The following SLC7A7 variants were observed in gnomAD, a reference collection of about 807,000 sequenced individuals.
SLC7A7 encodes Y+L amino acid transporter 1.
A neutral mutation model predicts 47.9 loss-of-function variants in SLC7A7; 39 were observed. The ratio of observed to expected loss-of-function variants is 0.81; its 90% CI spans 0.63 to 1.06. The LOEUF (loss-of-function observed/expected upper bound fraction) is 1.06, where lower values mean the gene tolerates loss of function less well. Ranked by LOEUF, SLC7A7 falls within the 50% of genes least tolerant of loss-of-function variation. SLC7A7 has a pLI of 0.00. For synonymous variants in SLC7A7, 234 were observed against 242.8 expected, an observed-to-expected ratio of 0.96 and a Z score of 0.34; for missense variants, 588 against 632.0, an observed-to-expected ratio of 0.93 and a Z score of 0.75.
At position 22,808,744 on chromosome 14, in the gene SLC7A7, C is replaced by T. The variant is rs566754353; in HGVS notation, c.499+4156G>A. Among the ~76,000 whole-genome samples, 253 of 152,306 alleles carry T rather than the reference C, an allele frequency of 1.7e-3. 1 individual carries two copies. Among genetic ancestry groups the T allele is most frequent in the African/African-American group, 5.8e-3 (243 of 41,562 alleles). ...AGTCTTGGTTGCCCTTCTGAACCTT[C>T]TTTAGATCTCTATGCTCCTCTGAAG... is the stretch of plus-strand genomic sequence containing the variant. On this transcript the variant is annotated intron_variant, in intron 2 of 9. Transcript: ENST00000674313.
At position 22,773,498 on chromosome 14, in the gene SLC7A7, C is replaced by A. The variant is rs1484514027; in HGVS notation, c.*112G>T. On this transcript the variant is annotated 3_prime_UTR_variant, in exon 10 of 10. Transcript: ENST00000674313. ...AGTTCAAAGGTTGAAGCTGCCTAGGCCAGGCTTCTGGACAGGTGCCTCCAA... is the reference window on the plus strand; with the variant it reads ...AGTTCAAAGGTTGAAGCTGCCTAGGACAGGCTTCTGGACAGGTGCCTCCAA... The A allele has an allele frequency of 1.4e-5, 12 of 877,460 alleles. No homozygotes were observed. The East Asian group carries it at 3.0e-4, about 22-fold the overall frequency. The allele number at this position is 877,460 out of a possible 1,614,324, so 54.4% of individuals were successfully genotyped here.
At chr14:22,794,928 A>G (rs2038984414) in intron 2 of SLC7A7, among the ~76,000 whole-genome samples, 1 of 150,386 alleles carries the variant, frequency 6.6e-6, no homozygotes, top group African/African-American at 2.4e-5. Context: ...CTCTAGTGAC[A>G]CAAGACCCTC....
rs1031172084 is a variant in SLC7A7 at position 22,814,281 on chromosome 14, C to T, written c.-42-841G>A. On this transcript the variant is annotated intron_variant, in intron 1 of 9. Transcript: ENST00000674313. The stretch of plus-strand genomic sequence containing the variant: ...GGCAGATCACCTAAAGTCGGGAGTT[C>T]GAGACCAGCCTGACCAACATTTAGA... Among the ~76,000 whole-genome samples, 12 of 151,418 alleles carry T rather than the reference C, an allele frequency of 7.9e-5. No individual in the cohort carries two copies. In the East Asian group the frequency reaches 1.6e-3, roughly 20 times the overall value.
intron 2 of SLC7A7, among the ~76,000 whole-genome samples, chr14:22,811,060 T>C (rs1298550909): frequency 6.6e-6 from 1 of 151,908 alleles, no homozygotes; most frequent in East Asian, 1.9e-4. Flanking sequence ...TTGCCATGTA[T>C]GACAAACATC....
At chr14:22,817,755 GC>G (rs1338037145), upstream of SLC7A7, among the ~76,000 whole-genome samples, 1 of 152,164 alleles carries the variant, frequency 6.6e-6, no homozygotes, top group East Asian at 1.9e-4. Flanking sequence ...GGGATTACAG[GC>G]GTGAGCCACC....
At chr14:22,790,347 A>C (rs1273931589) in intron 2 of SLC7A7, among the ~76,000 whole-genome samples, 1 of 150,646 alleles carries the variant, frequency 6.6e-6, no homozygotes, top group East Asian at 1.9e-4. Flanking sequence ...AAAAAAAAAA[A>C]AAAAAAAACC....
intron 1 of SLC7A7, among the ~76,000 whole-genome samples, chr14:22,813,859 C>G (rs1343943698): frequency 6.9e-6 from 1 of 144,778 alleles, no homozygotes; most frequent in African/African-American, 2.6e-5. Flanking sequence ...GGCGCGATCT[C>G]AGCTCACTGC....
At chr14:22,819,566 C>T (rs1287635884), upstream of SLC7A7, 1 of 152,196 alleles carries the variant, frequency 6.6e-6, no homozygotes, top group Non-Finnish European at 1.5e-5. Context: ...CTCCATTCAG[C>T]CAATTTTTAG....
intron 2 of SLC7A7, among the ~76,000 whole-genome samples, chr14:22,802,951 C>A (rs1243855056): frequency 1.3e-5 from 2 of 152,092 alleles, no homozygotes; most frequent in Non-Finnish European, 2.9e-5. Flanking sequence ...TTCCCTGTGC[C>A]TAAAACGTCC....
chr14:22,779,472 G>T (rs1316143551), intron 3 of SLC7A7, among the ~76,000 whole-genome samples: 2 of 137,692 alleles, frequency 1.5e-5, no homozygotes, highest in East Asian at 1.9e-4. Context: ...TTTTTGGGGG[G>T]GGGACAGAGT....
intron 6 of SLC7A7, 79 bp from the exon 7 acceptor site, chr14:22,775,619 C>A: frequency 8.4e-7 from 1 of 1,192,660 alleles, no homozygotes; most frequent in Non-Finnish European, 1.3e-6. Context: ...ATGGCCCTCC[C>A]TCTCTGCCAT....
At chr14:22,780,394 GAA>G in intron 2 of SLC7A7, 1 of 301,494 alleles carries the variant, frequency 3.3e-6, no homozygotes. Context: ...TCTTGGCTCT[GAA>G]AAGTCATGGT....
intron 4 of SLC7A7, 63 bp downstream of exon 4, chr14:22,778,730 G>A (rs572732298): frequency 1.5e-4 from 235 of 1,569,514 alleles, no homozygotes; most frequent in Non-Finnish European, 2.0e-4. Context: ...TGTCTGGCAC[G>A]TAGTAGGAGC....
In SLC7A7 at chr14:22,780,067, T is replaced by C; in HGVS notation, c.500-16A>G. On this transcript the variant is annotated splice_polypyrimidine_tract_variant and intron_variant, in intron 2 of 9. Coordinates refer to ENST00000674313, the MANE Select transcript of SLC7A7 (RefSeq NM_003982.4). Reference sequence around the variant, plus strand: ...GTTAAGAGACCTGAAAGAAAAATAATACTGATTGGTGACTTACCCTTACCA... The same window carrying C: ...GTTAAGAGACCTGAAAGAAAAATAACACTGATTGGTGACTTACCCTTACCA... 1 of 1,613,668 alleles carries C rather than the reference T, an allele frequency of 6.2e-7. No homozygotes were observed. The highest frequency in any genetic ancestry group is 8.5e-7 in the Non-Finnish European group (1 of 1,179,728).
intron 2 of SLC7A7, among the ~76,000 whole-genome samples, chr14:22,797,332 GT>G (rs1312240174): frequency 6.6e-6 from 1 of 152,182 alleles, no homozygotes; most frequent in East Asian, 1.9e-4. Flanking sequence ...ACACCTCTCT[GT>G]TTGGGAAAAG....
At chr14:22,794,794 T>G (rs1383309064) in intron 2 of SLC7A7, among the ~76,000 whole-genome samples, 1 of 152,108 alleles carries the variant, frequency 6.6e-6, no homozygotes, top group African/African-American at 2.4e-5. Context: ...AACAGTCCAG[T>G]GCTCAGGCCC....
At position 22,773,981 on chromosome 14, in the gene SLC7A7, T is replaced by C. The variant is rs147383728; in HGVS notation, c.1381A>G (p.Ile461Val). Residue 461 changes from isoleucine (I) to valine (V), a missense_variant, in exon 9 of 10, where the codon ATC (isoleucine) becomes GTC (valine). Transcript: ENST00000674313. ...LSGLPFYFLI[I>V]RVPEHKRPLY... ...GGTCGCTTATGTTCTGGCACTCTGA[T>C]GATGAGGAAGTAAAAGGGCAGGCCT... is the stretch of plus-strand genomic sequence containing the variant. The C allele has an allele frequency of 3.1e-6, 5 of 1,613,946 alleles. No individual in the cohort carries two copies. In the African/African-American group the frequency reaches 6.7e-5, roughly 22 times the overall value.
chr14:22,801,591 G>A (rs1182358138), intron 2 of SLC7A7, among the ~76,000 whole-genome samples: 1 of 152,030 alleles, frequency 6.6e-6, no homozygotes, highest in African/African-American at 2.4e-5. Context: ...AGACCATCCT[G>A]GCCAACATGG....
At chr14:22,777,248 A>G (rs2038631262) in intron 4 of SLC7A7, among the ~76,000 whole-genome samples, 1 of 152,070 alleles carries the variant, frequency 6.6e-6, no homozygotes, top group Admixed American at 6.5e-5. Flanking sequence ...TTTATACCCC[A>G]AAGATCTTTT....
Sources: gnomAD v4.1 joint callset for allele counts (sites outside exome capture counted in the v4.1 genomes callset) on GRCh38, gnomAD v4.1.1 for gene constraint, MANE v1.5 for transcripts, NCBI Gene and HGNC (gene_info 2026-07-23, HGNC 2026-07-21) for gene names.